VPS13B: variants seen among roughly 807,000 people sequenced by gnomAD.
The protein encoded by VPS13B is intermembrane lipid transfer protein VPS13B.
VPS13B carries 285 observed loss-of-function variants against 426.4 expected under a neutral mutation model. That is an observed-to-expected ratio of 0.67 (90% confidence interval 0.61 to 0.74). The LOEUF is 0.74. VPS13B is among the 30% of genes least tolerant of loss of function. The pLI is 0.00. For synonymous variants in VPS13B, 1,676 were observed against 1,676.4 expected, an observed-to-expected ratio of 1.00 and a Z score of 0.01; for missense variants, 4,537 against 4,782.6, an observed-to-expected ratio of 0.95 and a Z score of 1.51.
chr8:99,249,922 T>C (rs1032569777), intron 17 of VPS13B, among the ~76,000 whole-genome samples: 1 of 150,824 alleles, frequency 6.6e-6, no homozygotes, highest in African/African-American at 2.4e-5. Flanking sequence ...CGGTTGGGGG[T>C]GGTGGGGGAG....
At chr8:99,493,239 T>G (rs1464894484) in intron 25 of VPS13B, among the ~76,000 whole-genome samples, 1 of 152,172 alleles carries the variant, frequency 6.6e-6, no homozygotes, top group East Asian at 1.9e-4. Flanking sequence ...GAATTCTATA[T>G]TTTTTTCTTA....
intron 20 of VPS13B, among the ~76,000 whole-genome samples, chr8:99,387,398 T>A (rs1814185140): frequency 6.6e-6 from 1 of 151,896 alleles, no homozygotes; most frequent in African/African-American, 2.4e-5. Flanking sequence ...AAAAACAATT[T>A]TTTTTGTAGA....
intron 39 of VPS13B, among the ~76,000 whole-genome samples, chr8:99,735,693 C>G (rs1833795041): frequency 6.6e-6 from 1 of 152,032 alleles, no homozygotes; most frequent in South Asian, 2.1e-4. Context: ...CATGGAAGCC[C>G]TAGGAAACTA....
intron 19 of VPS13B, chr8:99,340,518 C>G (rs531692840): frequency 2.1e-6 from 1 of 482,030 alleles, no homozygotes; most frequent in Admixed American, 2.3e-5. Flanking sequence ...AATGTTGTGC[C>G]CCATAAATGT....
chr8:99,274,070 AAC>A (rs1271002652), intron 17 of VPS13B, 126 bp from the exon 18 acceptor site: 3 of 1,326,046 alleles, frequency 2.3e-6, no homozygotes, highest in Non-Finnish European at 3.2e-6. Context: ...TATGAAACCT[AAC>A]ACAAATACTG....
At chr8:99,351,127 G>T (rs987831414) in intron 19 of VPS13B, among the ~76,000 whole-genome samples, 5 of 152,064 alleles carry the variant, frequency 3.3e-5, no homozygotes, top group African/African-American at 1.2e-4. Context: ...TTTTTGAATT[G>T]AAAATGCTAT....
chr8:99,122,033 T>A lies in VPS13B; in HGVS notation c.1206+588T>A, dbSNP rs527891826. Among the ~76,000 whole-genome samples the A allele has an allele frequency of 1.8e-3, 276 of 150,546 alleles. 1 individual carries two copies. Among genetic ancestry groups the A allele is most frequent in the African/African-American group, 6.4e-3 (263 of 41,076 alleles). On this transcript the variant is annotated intron_variant, in intron 8 of 61. Coordinates refer to ENST00000357162, the MANE Select transcript of VPS13B (RefSeq NM_152564.5). The stretch of plus-strand genomic sequence containing the variant: ...TGCCCAGCTAATTTTTTTTTTTTTT[T>A]AATATTTTGTAGAGTTGGGGTTTTG...
chr8:99,291,050 A>G (rs1473620954), intron 19 of VPS13B, among the ~76,000 whole-genome samples: 1 of 152,130 alleles, frequency 6.6e-6, no homozygotes, highest in Non-Finnish European at 1.5e-5. Flanking sequence ...AGTGTGGATG[A>G]GGATAAATGA....
At chr8:99,780,107 A>G (rs1399539264) in intron 42 of VPS13B, among the ~76,000 whole-genome samples, 8 of 152,312 alleles carry the variant, frequency 5.3e-5, no homozygotes, top group African/African-American at 1.9e-4. Context: ...TGTTTTAAAA[A>G]TATTTTTTAA....
intron 19 of VPS13B, among the ~76,000 whole-genome samples, chr8:99,293,685 C>T (rs986945531): frequency 2.0e-5 from 3 of 151,266 alleles, no homozygotes; most frequent in Non-Finnish European, 4.4e-5. Flanking sequence ...TGAACTCAAA[C>T]AAATTTACAA....
intron 30 of VPS13B, among the ~76,000 whole-genome samples, chr8:99,538,254 A>T (rs1823365498): frequency 6.6e-6 from 1 of 152,218 alleles, no homozygotes; most frequent in African/African-American, 2.4e-5. Context: ...TGTGATGATT[A>T]TACATGTTCT....
At chr8:99,497,446 A>G (rs186499094) in intron 25 of VPS13B, among the ~76,000 whole-genome samples, 1 of 149,374 alleles carries the variant, frequency 6.7e-6, no homozygotes, top group East Asian at 2.0e-4. Context: ...TAAAGTAAGA[A>G]TTGATATATT....
intron 39 of VPS13B, among the ~76,000 whole-genome samples, chr8:99,740,295 C>T (rs1039987345): frequency 2.6e-5 from 4 of 152,124 alleles, no homozygotes; most frequent in Non-Finnish European, 5.9e-5. Context: ...AAGAAATGAA[C>T]AAAGCCTCCA....
Position 99,876,193 on chromosome 8 carries a change from C to T in VPS13B, c.*527C>T, listed in dbSNP as rs1304294792. On this transcript the variant is annotated 3_prime_UTR_variant, in exon 62 of 62. Coordinates refer to ENST00000357162, the MANE Select transcript of VPS13B (RefSeq NM_152564.5). ...TTGCATCTGTTTTTGGGCTGAGTCA[C>T]CACCTTTGCCTCATGCTCCTTTGTC... 6.0e-6 allele frequency: 1 copy of T among 166,600 alleles called. No individual in the cohort carries two copies. 10.3% of individuals were successfully genotyped at this position (166,600 alleles called of 1,614,324 possible).
intron 43 of VPS13B, among the ~76,000 whole-genome samples, chr8:99,792,969 G>A (rs536182487): frequency 1.2e-4 from 18 of 151,648 alleles, no homozygotes; most frequent in Admixed American, 9.2e-4. Flanking sequence ...ACTTTGGGAG[G>A]CCATGGTGGG....
intron 2 of VPS13B, among the ~76,000 whole-genome samples, chr8:99,031,522 T>C (rs1842505649): frequency 6.6e-6 from 1 of 152,216 alleles, no homozygotes. Flanking sequence ...AACCACCTCT[T>C]CCAATTTTAT....
intron 35 of VPS13B, among the ~76,000 whole-genome samples, chr8:99,683,026 T>C (rs1416338109): frequency 6.6e-6 from 1 of 152,216 alleles, no homozygotes; most frequent in African/African-American, 2.4e-5. Context: ...AAATCCAGGA[T>C]TCATTTTGAG....
At position 99,238,077 on chromosome 8, in the gene VPS13B, T is replaced by G. The variant is rs144416677; in HGVS notation, c.2516-36121T>G. Among the ~76,000 whole-genome samples, 522 of 152,202 alleles carry G rather than the reference T, an allele frequency of 3.4e-3. 2 individuals carry two copies. The highest frequency in any genetic ancestry group is 0.012 in the African/African-American group (500 of 41,542). ...TTTCCATTGCCTGGAGTACTTCAATTTACTCTACCCTCATCCTCTTATCTA... is the reference window on the plus strand; with the variant it reads ...TTTCCATTGCCTGGAGTACTTCAATGTACTCTACCCTCATCCTCTTATCTA... On this transcript the variant is annotated intron_variant, in intron 17 of 61. Transcript: ENST00000357162.
At chr8:99,819,775 T>C in intron 48 of VPS13B, 146 bp from the exon 49 acceptor site, 1 of 1,261,276 alleles carries the variant, frequency 7.9e-7, no homozygotes, top group Non-Finnish European at 1.1e-6. Context: ...AGTTGCTTTC[T>C]CCTGCATGCA....
Sources: gnomAD v4.1 joint callset for allele counts (sites outside exome capture counted in the v4.1 genomes callset) on GRCh38, gnomAD v4.1.1 for gene constraint, MANE v1.5 for transcripts, NCBI Gene and HGNC (gene_info 2026-07-23, HGNC 2026-07-21) for gene names.